SHISA6: variants seen among roughly 807,000 people sequenced by gnomAD.
SHISA6 encodes the protein protein shisa-6.
A neutral mutation model predicts 47.9 loss-of-function variants in SHISA6; 22 were observed. The ratio of observed to expected loss-of-function variants is 0.46; its 90% CI spans 0.33 to 0.66. The LOEUF (loss-of-function observed/expected upper bound fraction) is 0.66, where lower values mean the gene tolerates loss of function less well. SHISA6 is among the 30% of genes least tolerant of loss of function. The probability of loss-of-function intolerance (pLI) is 0.02; values close to 1 mark genes in which losing one functional copy is unlikely to be tolerated. For missense variants in SHISA6, 680 were observed against 764.6 expected (o/e 0.89, Z 1.30); for synonymous variants, 388 against 337.8 (o/e 1.15, Z -1.63).
rs1303790169 is a variant in SHISA6 at position 11,557,927 on chromosome 17, C to T, written c.1279C>T (p.Arg427Trp). 3.9e-6 allele frequency: 6 copies of T among 1,551,464 alleles called. No homozygotes were observed. The highest frequency in any genetic ancestry group is 3.6e-5 in the South Asian group (3 of 84,058). The change falls in exon 6 of 6, where the codon CGG becomes TGG. Residue 427 changes from arginine to tryptophan, a missense_variant. Around this residue, in one of 2 missense-constraint regions of SHISA6, gnomAD observed 559 missense variants for 674.1 expected, o/e 0.83. Coordinates refer to ENST00000441885, the MANE Select transcript of SHISA6 (RefSeq NM_207386.4). Reference protein sequence around the residue: ...MSQDRVLSPDRGLPDEFSMPY... With the variant: ...MSQDRVLSPDWGLPDEFSMPY... ...CCAGGACAGGGTCCTGTCCCCGGAT[C>T]GGGGCCTGCCAGATGAGTTCAGCAT...
intron 2 of SHISA6, among the ~76,000 whole-genome samples, chr17:11,351,461 A>G (rs961944853): frequency 1.1e-4 from 17 of 152,140 alleles, no homozygotes; most frequent in African/African-American, 4.1e-4. Context: ...CAAAGTACCT[A>G]CCTAGTAAAA....
intron 1 of SHISA6, among the ~76,000 whole-genome samples, chr17:11,249,304 G>A (rs1397708925): frequency 3.0e-5 from 3 of 99,658 alleles, no homozygotes; most frequent in African/African-American, 6.7e-5. Context: ...GTGTGCGCGT[G>A]CGTGTGTGTG....
At chr17:11,303,652 C>CT (rs1910005013) in intron 2 of SHISA6, among the ~76,000 whole-genome samples, 1 of 152,134 alleles carries the variant, frequency 6.6e-6, no homozygotes, top group Non-Finnish European at 1.5e-5. Flanking sequence ...GGAGCCATCT[C>CT]CAGCATACAG....
chr17:11,479,087 T>G (rs889696051), intron 3 of SHISA6, among the ~76,000 whole-genome samples: 1 of 152,200 alleles, frequency 6.6e-6, no homozygotes, highest in South Asian at 2.1e-4. Flanking sequence ...ACCTTTTTTT[T>G]AATGGTTGCC....
At chr17:11,276,984 A>C (rs116714865) in intron 2 of SHISA6, among the ~76,000 whole-genome samples, 73 of 152,114 alleles carry the variant, frequency 4.8e-4, no homozygotes, top group African/African-American at 1.6e-3. Flanking sequence ...GATTGTATGG[A>C]GGGTACGAGG....
intron 3 of SHISA6, among the ~76,000 whole-genome samples, chr17:11,479,231 C>A (rs532958431): frequency 6.6e-6 from 1 of 151,820 alleles, no homozygotes; most frequent in Admixed American, 6.6e-5. Flanking sequence ...GAGTGAGACT[C>A]CTTCTTAAAA....
chr17:11,434,064 CTT>C (rs1367652038), intron 3 of SHISA6, among the ~76,000 whole-genome samples: 14 of 137,998 alleles, frequency 1.0e-4, no homozygotes, highest in Admixed American at 1.5e-4. Context: ...TTTTTTCTCT[CTT>C]TTTTTTTTTT....
At position 11,241,692 on chromosome 17, in the gene SHISA6, C is replaced by T. The variant is rs749971036; in HGVS notation, c.270C>T (p.Thr90=). 9.8e-6 allele frequency: 15 copies of T among 1,532,644 alleles called. No homozygotes were observed. Among genetic ancestry groups the T allele is most frequent in the Non-Finnish European group, 1.3e-5 (15 of 1,143,882 alleles). The allele number at this position is 1,532,644 out of a possible 1,614,324, so 94.9% of individuals were successfully genotyped here. ...AVAAAASAAV[T]YETCWGYYDV... Reference sequence around the variant, plus strand: ...CGGCGGCGGCCAGCGCGGCCGTCACCTACGAGACGTGCTGGGGCTACTACG... The same window carrying T: ...CGGCGGCGGCCAGCGCGGCCGTCACTTACGAGACGTGCTGGGGCTACTACG... Residue 90 remains threonine (T), a synonymous_variant, in exon 1 of 6, where the codon ACC becomes ACT. Coordinates refer to ENST00000441885, the MANE Select transcript of SHISA6 (RefSeq NM_207386.4). The surrounding 1 kb of genome is among the most constrained non-coding windows in gnomAD (Gnocchi z 5.5).
intron 3 of SHISA6, among the ~76,000 whole-genome samples, chr17:11,510,073 T>C (rs982393347): frequency 1.3e-5 from 2 of 151,194 alleles, no homozygotes; most frequent in Non-Finnish European, 2.9e-5. Context: ...CAGAGCTGGC[T>C]TCTTGAGAGA....
intron 3 of SHISA6, among the ~76,000 whole-genome samples, chr17:11,406,397 G>A (rs561726560): frequency 3.9e-5 from 6 of 152,246 alleles, no homozygotes; most frequent in Middle Eastern, 3.4e-3. Context: ...GTCTTAACTC[G>A]CCAGTCCTCA....
chr17:11,449,335 C>T (rs1021216846), intron 3 of SHISA6, among the ~76,000 whole-genome samples: 1 of 152,050 alleles, frequency 6.6e-6, no homozygotes, highest in African/African-American at 2.4e-5. Context: ...CCCAGCTACT[C>T]AGGAGGCTAA....
intron 3 of SHISA6, among the ~76,000 whole-genome samples, chr17:11,393,224 G>A (rs1913447808): frequency 6.6e-6 from 1 of 152,132 alleles, no homozygotes; most frequent in Non-Finnish European, 1.5e-5. Context: ...TAGCTATACA[G>A]TTGCTCAAGC....
At chr17:11,254,201 C>T (rs2142139272) in intron 1 of SHISA6, among the ~76,000 whole-genome samples, 1 of 152,320 alleles carries the variant, frequency 6.6e-6, no homozygotes, top group East Asian at 1.9e-4. Context: ...TTCCTGGGAG[C>T]TGAGCTACAA....
intron 3 of SHISA6, among the ~76,000 whole-genome samples, chr17:11,409,679 C>T (rs2191085): frequency 2.8e-5 from 4 of 142,910 alleles, no homozygotes; most frequent in South Asian, 4.5e-4. Flanking sequence ...ACTCCAGCCT[C>T]GGGGACAGAG....
At chr17:11,532,162 C>G (rs1376359227) in intron 3 of SHISA6, among the ~76,000 whole-genome samples, 1 of 152,136 alleles carries the variant, frequency 6.6e-6, no homozygotes, top group African/African-American at 2.4e-5. Flanking sequence ...CATGTTGTCA[C>G]TTGACCAGCG....
In SHISA6 at chr17:11,336,880, G is replaced by A. The variant is rs570838302; in HGVS notation, c.800-42534G>A. Among the ~76,000 whole-genome samples, 12 of 152,286 alleles carry A rather than the reference G, an allele frequency of 7.9e-5. No individual in the cohort carries two copies. The South Asian group carries it at 1.0e-3, about 13-fold the overall frequency. On this transcript the variant is annotated intron_variant, in intron 2 of 5. Coordinates refer to ENST00000441885, the MANE Select transcript of SHISA6 (RefSeq NM_207386.4). ...AGACCTGTGTGGGAGCTGCCCCAGC[G>A]TCCGAAAACTCCCTCCAGGGCAGGC...
At chr17:11,265,769 C>T (rs1044705380) in intron 2 of SHISA6, among the ~76,000 whole-genome samples, 6 of 152,212 alleles carry the variant, frequency 3.9e-5, no homozygotes, top group African/African-American at 1.4e-4. Flanking sequence ...TGGTTCCCCA[C>T]TGCTGAACAC....
chr17:11,419,151 G>A (rs887938341), intron 3 of SHISA6, among the ~76,000 whole-genome samples: 2 of 151,730 alleles, frequency 1.3e-5, no homozygotes, highest in Non-Finnish European at 2.9e-5. Context: ...CACCAACGTG[G>A]CACATGTATA....
At chr17:11,469,486 C>T (rs1260460414) in intron 3 of SHISA6, among the ~76,000 whole-genome samples, 2 of 152,170 alleles carry the variant, frequency 1.3e-5, no homozygotes, top group Non-Finnish European at 2.9e-5. Context: ...GTAATAAGTT[C>T]CTGTTGTTTT....
Sources: gnomAD v4.1 joint callset for allele counts (sites outside exome capture counted in the v4.1 genomes callset) on GRCh38, gnomAD v4.1.1 for gene constraint, gnomAD v4.1.1 regional missense constraint, Gnocchi (gnomAD v3.1) non-coding constraint, MANE v1.5 for transcripts, NCBI Gene and HGNC (gene_info 2026-07-23, HGNC 2026-07-21) for gene names.